Variants in MERTK observed in about 807,000 individuals in gnomAD.
The protein encoded by MERTK is tyrosine-protein kinase Mer.
MERTK carries 69 observed loss-of-function variants against 99.3 expected under a neutral mutation model. That is an observed-to-expected ratio of 0.70 (90% confidence interval 0.57 to 0.85). The LOEUF (loss-of-function observed/expected upper bound fraction) is 0.85. Ranked by LOEUF, MERTK falls within the 40% of genes least tolerant of loss-of-function variation. The probability of loss-of-function intolerance (pLI) is 0.00; values close to 1 mark genes in which losing one functional copy is unlikely to be tolerated. For missense variants in MERTK, 1,125 were observed against 1,249.4 expected (o/e 0.90, Z 1.50); for synonymous variants, 426 against 467.6 (o/e 0.91, Z 1.15).
intron 1 of MERTK, among the ~76,000 whole-genome samples, chr2:111,909,399 C>T (rs1460486128): frequency 6.6e-6 from 1 of 152,192 alleles, no homozygotes; most frequent in Non-Finnish European, 1.5e-5. Flanking sequence ...TAACAGGCCT[C>T]ATTTAGGATT....
At chr2:112,007,706 C>T (rs1235756611) in intron 13 of MERTK, among the ~76,000 whole-genome samples, 2 of 151,692 alleles carry the variant, frequency 1.3e-5, no homozygotes, top group African/African-American at 4.9e-5. Flanking sequence ...TATGAAAATG[C>T]ATCCAACTCA....
intron 15 of MERTK, among the ~76,000 whole-genome samples, chr2:112,012,557 GTA>G (rs963583952): frequency 6.6e-6 from 1 of 151,826 alleles, no homozygotes; most frequent in Admixed American, 6.6e-5. Context: ...TGTCATGAGC[GTA>G]TCCATCCTCA....
intron 15 of MERTK, chr2:112,010,342 G>T: frequency 2.6e-6 from 1 of 391,324 alleles, no homozygotes; most frequent in Admixed American, 3.6e-5. Context: ...CCAGGCTCCT[G>T]GTTCTGCACT....
Position 112,029,027 on chromosome 2 carries a change from T to C in MERTK, c.*163T>C. The C allele has an allele frequency of 7.0e-7, 1 of 1,423,990 alleles. No individual in the cohort carries two copies. Among genetic ancestry groups the C allele is most frequent in the African/African-American group, 1.4e-5 (1 of 69,482 alleles). 88.2% of individuals were successfully genotyped at this position (1,423,990 alleles called of 1,614,324 possible). A position where few individuals can be genotyped will look rare whatever the true frequency, so the allele number is the denominator to read the frequency against. ...TAAGTAAGCTGTCATTAAAAATACATAATATATATTTATTTAAAGAGAAAA... is the reference window on the plus strand; with the variant it reads ...TAAGTAAGCTGTCATTAAAAATACACAATATATATTTATTTAAAGAGAAAA... On this transcript the variant is annotated 3_prime_UTR_variant, in exon 19 of 19. Coordinates refer to ENST00000295408, the MANE Select transcript of MERTK (RefSeq NM_006343.3).
chr2:112,017,594 C>T (rs1677244636), intron 15 of MERTK, among the ~76,000 whole-genome samples: 1 of 151,480 alleles, frequency 6.6e-6, no homozygotes, highest in Admixed American at 6.6e-5. Flanking sequence ...CGCGCCACTG[C>T]ACCACTCCAG....
intron 8 of MERTK, among the ~76,000 whole-genome samples, chr2:111,986,728 G>T (rs571161085): frequency 6.6e-5 from 10 of 152,290 alleles, no homozygotes; most frequent in African/African-American, 2.4e-4. Context: ...TTAAGGCTGT[G>T]ACCTTTCCAG....
At chr2:112,005,089 A>G (rs1676954416) in intron 13 of MERTK, among the ~76,000 whole-genome samples, 1 of 151,696 alleles carries the variant, frequency 6.6e-6, no homozygotes, top group South Asian at 2.1e-4. Flanking sequence ...TTTAATTGAG[A>G]TGGAGTCTCA....
intron 15 of MERTK, among the ~76,000 whole-genome samples, chr2:112,012,105 G>A (rs181136421): frequency 6.8e-4 from 104 of 152,302 alleles, no homozygotes; most frequent in Non-Finnish European, 4.3e-4. Flanking sequence ...GGACTTCTTC[G>A]TTTCAGTAAC....
At chr2:111,981,933 T>C (rs1433085665) in intron 7 of MERTK, among the ~76,000 whole-genome samples, 1 of 152,148 alleles carries the variant, frequency 6.6e-6, no homozygotes, top group Non-Finnish European at 1.5e-5. Flanking sequence ...GCCCCACAGG[T>C]TTATGCTGGA....
chr2:111,923,569 C>T (rs1573573403), intron 1 of MERTK, among the ~76,000 whole-genome samples: 2 of 152,158 alleles, frequency 1.3e-5, no homozygotes, highest in Non-Finnish European at 2.9e-5. Context: ...AGTTAAAATT[C>T]CACTCCAGCT....
Position 111,968,248 on chromosome 2 carries a change from T to A in MERTK, c.956T>A (p.Ile319Asn), listed in dbSNP as rs1685398596. Residue 319 changes from isoleucine (I) to asparagine (N), a missense_variant, in exon 6 of 19, where the codon ATT (isoleucine) becomes AAT (asparagine). Ile to Asn is a moderately radical substitution (Grantham distance 149). Coordinates refer to ENST00000295408, the MANE Select transcript of MERTK (RefSeq NM_006343.3). ...TACTCCCCGTTCAGGAATTGCAGCA[T>A]TCAGGTAAAGTTCCAGGGTGAAGAG... is the stretch of plus-strand genomic sequence containing the variant. ...DGYSPFRNCS[I>N]QVKEADPLSN... The A allele has an allele frequency of 1.2e-6, 2 of 1,611,528 alleles. No homozygotes were observed. The highest frequency in any genetic ancestry group is 3.3e-5 in the Admixed American group (2 of 59,998).
intron 6 of MERTK, 125 bp downstream of exon 6, chr2:111,968,377 C>A: frequency 1.3e-6 from 1 of 759,548 alleles, no homozygotes. Flanking sequence ...CCCCTGACCT[C>A]CCTGCTTCAG....
At position 111,988,744 on chromosome 2, in the gene MERTK, G is replaced by A. The variant is rs548484354; in HGVS notation, c.1297-5507G>A. The stretch of plus-strand genomic sequence containing the variant: ...GTGGATCACCTGAGGTTAGGAGTTC[G>A]ACGAGACCAGCCTAGCCAACATGGT... On this transcript the variant is annotated intron_variant, in intron 8 of 18. Transcript: ENST00000295408. Among the ~76,000 whole-genome samples, 16 of 152,254 alleles carry A rather than the reference G, an allele frequency of 1.1e-4. No homozygotes were observed. In the East Asian group the frequency reaches 2.9e-3, roughly 28 times the overall value.
Position 111,930,928 on chromosome 2 carries a change from G to C in MERTK, c.482+1388G>C, listed in dbSNP as rs569780277. Among the ~76,000 whole-genome samples, 11 of 152,186 alleles carry C rather than the reference G, an allele frequency of 7.2e-5. No homozygotes were observed. The South Asian group carries it at 1.9e-3, about 26-fold the overall frequency. On this transcript the variant is annotated intron_variant, in intron 2 of 18. Transcript: ENST00000295408. ...TCGTTGCGTGCACAGTTTTAGAATT[G>C]GGTTGGCCTGTGGTTGTTAAAAGCA...
intron 1 of MERTK, among the ~76,000 whole-genome samples, chr2:111,924,994 A>C (rs1684527358): frequency 6.6e-6 from 1 of 151,968 alleles, no homozygotes; most frequent in Non-Finnish European, 1.5e-5. Context: ...GATGTATTAC[A>C]AAAGGGTCCT....
chr2:111,985,638 A>G (rs1573620780), intron 8 of MERTK, among the ~76,000 whole-genome samples: 1 of 152,180 alleles, frequency 6.6e-6, no homozygotes, highest in South Asian at 2.1e-4. Context: ...TCATGGCAGG[A>G]GGCAGAGAAG....
At chr2:111,970,935 T>A (rs545626405) in intron 6 of MERTK, among the ~76,000 whole-genome samples, 186 of 152,232 alleles carry the variant, frequency 1.2e-3, no homozygotes, top group African/African-American at 4.4e-3. Context: ...CTTCTTTAAA[T>A]ATTTAATAAA....
At chr2:111,969,923 C>A (rs528981188) in intron 6 of MERTK, among the ~76,000 whole-genome samples, 1 of 151,984 alleles carries the variant, frequency 6.6e-6, no homozygotes, top group Admixed American at 6.5e-5. Flanking sequence ...CATCTCCTGA[C>A]CTCATGATCC....
At chr2:111,901,605 G>A (rs1453268309) in intron 1 of MERTK, among the ~76,000 whole-genome samples, 2 of 137,580 alleles carry the variant, frequency 1.5e-5, no homozygotes, top group African/African-American at 5.5e-5. Context: ...ACCCAGGCTA[G>A]AGTGCAGTGG....
Sources: gnomAD v4.1 joint callset for allele counts (sites outside exome capture counted in the v4.1 genomes callset) on GRCh38, gnomAD v4.1.1 for gene constraint, MANE v1.5 for transcripts, NCBI Gene and HGNC (gene_info 2026-07-23, HGNC 2026-07-21) for gene names.